Variants in SPOCK1 observed in about 807,000 individuals in gnomAD.
The protein encoded by SPOCK1 is testican-1.
In SPOCK1, 23 loss-of-function variants were observed where a neutral mutation model predicts 55.3. The observed-to-expected ratio is 0.42, with a 90% CI of 0.30 to 0.59. The LOEUF (loss-of-function observed/expected upper bound fraction) is 0.59. Ranked by LOEUF, SPOCK1 falls within the 20% of genes least tolerant of loss-of-function variation. The pLI is 0.22. For missense variants in SPOCK1, 499 were observed against 552.5 expected, an observed-to-expected ratio of 0.90 and a Z score of 0.97; for synonymous variants, 226 against 221.0, an observed-to-expected ratio of 1.02 and a Z score of -0.20.
chr5:137,486,702 T>A (rs185127219), intron 2 of SPOCK1, among the ~76,000 whole-genome samples: 1 of 152,312 alleles, frequency 6.6e-6, no homozygotes, highest in Admixed American at 6.5e-5. Flanking sequence ...AAAAAACACA[T>A]GAAAAGGTCT....
At chr5:137,329,021 T>A (rs1561506215) in intron 2 of SPOCK1, among the ~76,000 whole-genome samples, 1 of 152,204 alleles carries the variant, frequency 6.6e-6, no homozygotes, top group Non-Finnish European at 1.5e-5. Context: ...CTATGAAACA[T>A]GATTCTGGCT....
intron 3 of SPOCK1, among the ~76,000 whole-genome samples, chr5:137,260,236 T>C (rs552854679): frequency 2.0e-5 from 3 of 152,298 alleles, no homozygotes; most frequent in African/African-American, 7.2e-5. Context: ...CCAAGCAGTT[T>C]ACATTTAAAA....
chr5:137,135,889 CTT>C, intron 4 of SPOCK1, among the ~76,000 whole-genome samples: 1 of 152,210 alleles, frequency 6.6e-6, no homozygotes, highest in South Asian at 2.1e-4. Context: ...TCATTCATCT[CTT>C]GTTGACATTT....
chr5:137,064,283 G>A (rs1411967622), intron 6 of SPOCK1, among the ~76,000 whole-genome samples: 1 of 152,136 alleles, frequency 6.6e-6, no homozygotes, highest in Non-Finnish European at 1.5e-5. Context: ...AATTGACCTG[G>A]GAGTGACTTT....
At chr5:137,064,990 G>A (rs1223572919) in intron 6 of SPOCK1, among the ~76,000 whole-genome samples, 2 of 152,160 alleles carry the variant, frequency 1.3e-5, no homozygotes, top group African/African-American at 4.8e-5. Context: ...CACTTTGGGA[G>A]GCCGAGGCAG....
chr5:137,066,123 T>C (rs1047829215), intron 6 of SPOCK1, among the ~76,000 whole-genome samples: 1 of 152,046 alleles, frequency 6.6e-6, no homozygotes, highest in Non-Finnish European at 1.5e-5. Flanking sequence ...ACAGGCAAAA[T>C]AGTGGCAATG....
intron 2 of SPOCK1, among the ~76,000 whole-genome samples, chr5:137,296,357 T>A (rs998481322): frequency 1.3e-5 from 2 of 152,154 alleles, no homozygotes; most frequent in African/African-American, 4.8e-5. Context: ...GAGCCCGCAT[T>A]CAAACTCAGG....
intron 2 of SPOCK1, among the ~76,000 whole-genome samples, chr5:137,433,620 G>T (rs559582004): frequency 5.9e-5 from 9 of 152,160 alleles, no homozygotes; most frequent in Admixed American, 5.9e-4. Context: ...CATAGCAAAC[G>T]GGCGAACATC....
At chr5:137,199,237 G>A (rs939810820) in intron 3 of SPOCK1, among the ~76,000 whole-genome samples, 4 of 152,142 alleles carry the variant, frequency 2.6e-5, no homozygotes, top group Admixed American at 6.5e-5. Context: ...CAGCCCACAC[G>A]TTGACACAAT....
chr5:137,223,308 G>GA (rs5871626), intron 3 of SPOCK1, among the ~76,000 whole-genome samples: 41,792 of 141,440 alleles, frequency 0.3, 6,469 homozygotes, highest in South Asian at 0.46. Flanking sequence ...GCTATAACAT[G>GA]AAAAAAAAAA....
At chr5:137,197,217 G>A (rs980084886) in intron 3 of SPOCK1, among the ~76,000 whole-genome samples, 2 of 152,144 alleles carry the variant, frequency 1.3e-5, no homozygotes, top group Admixed American at 6.5e-5. Flanking sequence ...GAGCTTCAGG[G>A]CCCTCTCACA....
chr5:137,450,989 C>G (rs763816544), intron 2 of SPOCK1, among the ~76,000 whole-genome samples: 12 of 152,128 alleles, frequency 7.9e-5, no homozygotes, highest in Non-Finnish European at 1.5e-4. Flanking sequence ...AAGGCAAGAG[C>G]AATCATGGCA....
chr5:137,151,888 G>A (rs1754325197), intron 3 of SPOCK1, among the ~76,000 whole-genome samples: 1 of 152,176 alleles, frequency 6.6e-6, no homozygotes, highest in African/African-American at 2.4e-5. Context: ...CCCTCTCACT[G>A]TTAATTTTTC....
intron 3 of SPOCK1, among the ~76,000 whole-genome samples, chr5:137,158,150 A>G (rs1434665): frequency 2.0e-5 from 3 of 152,028 alleles, no homozygotes; most frequent in Non-Finnish European, 2.9e-5. Flanking sequence ...AAAAAGACAG[A>G]TGTGCCAGCT....
At chr5:137,158,194 C>T (rs532047693) in intron 3 of SPOCK1, among the ~76,000 whole-genome samples, 1 of 152,164 alleles carries the variant, frequency 6.6e-6, no homozygotes, top group Non-Finnish European at 1.5e-5. Context: ...TGATTCCATC[C>T]CAGTGACTGT....
intron 6 of SPOCK1, chr5:136,993,221 G>C (rs1324659849): frequency 6.6e-6 from 1 of 152,194 alleles, no homozygotes; most frequent in Non-Finnish European, 1.5e-5. Flanking sequence ...TCATTTCTTA[G>C]GGTAAGACAG....
In SPOCK1 at chr5:137,482,170, C is replaced by A. The variant is rs1489868573; in HGVS notation, c.186+16203G>T. 2.6e-5 allele frequency among the ~76,000 whole-genome samples: 4 copies of A among 152,216 alleles called. No individual in the cohort carries two copies. The East Asian group carries it at 7.7e-4, about 29-fold the overall frequency. ...ACTGCAGAAAATGCCCAAAGGAACT[C>A]TCTCTGCCAGCCATGGCATGGGCCA... On this transcript the variant is annotated intron_variant, in intron 2 of 10. Coordinates refer to ENST00000394945, the MANE Select transcript of SPOCK1 (RefSeq NM_004598.4).
chr5:137,116,466 G>A (rs1344539355), intron 4 of SPOCK1, among the ~76,000 whole-genome samples: 4 of 151,990 alleles, frequency 2.6e-5, no homozygotes, highest in African/African-American at 7.2e-5. Context: ...CCAACATAGC[G>A]AAACCCCGTC....
intron 2 of SPOCK1, among the ~76,000 whole-genome samples, chr5:137,321,565 T>C (rs1044756650): frequency 1.3e-5 from 2 of 152,032 alleles, no homozygotes; most frequent in African/African-American, 4.8e-5. Flanking sequence ...TAGGATGATA[T>C]ATTCAAAGTG....
Sources: allele counts gnomAD v4.1 joint callset (sites outside exome capture counted in the v4.1 genomes callset), GRCh38; gene constraint gnomAD v4.1.1; transcripts MANE v1.5; gene names NCBI Gene and HGNC (gene_info 2026-07-23, HGNC 2026-07-21).